Variants in SLMAP observed in about 807,000 individuals in gnomAD.
SLMAP encodes the protein sarcolemmal membrane-associated protein.
SLMAP carries 44 observed loss-of-function variants against 128.8 expected under a neutral mutation model. That is an observed-to-expected ratio of 0.34 (90% CI 0.27 to 0.44). SLMAP has a LOEUF of 0.44. Among genes scored for constraint, SLMAP ranks in the 20% least tolerant of loss-of-function variants. The pLI is 1.00. For missense variants in SLMAP, 787 were observed against 985.3 expected, an observed-to-expected ratio of 0.80 and a Z score of 2.69; for synonymous variants, 327 against 348.8, an observed-to-expected ratio of 0.94 and a Z score of 0.70.
chr3:57,760,393 C>T (rs1025438137), intron 2 of SLMAP, among the ~76,000 whole-genome samples: 1 of 152,174 alleles, frequency 6.6e-6, no homozygotes, highest in African/African-American at 2.4e-5. Context: ...GATTATTATA[C>T]CACTTAATCT....
At chr3:57,801,545 G>T in intron 2 of SLMAP, 1 of 152,130 alleles carries the variant, frequency 6.6e-6, no homozygotes, top group East Asian at 1.9e-4. Flanking sequence ...GCACCAGGCT[G>T]CAGGCCCACA....
At chr3:57,883,372 A>G (rs114191463) in intron 14 of SLMAP, among the ~76,000 whole-genome samples, 2,471 of 152,306 alleles carry the variant, frequency 0.016, 35 homozygotes, top group Admixed American at 0.023. Flanking sequence ...AACATTTAGA[A>G]ATTACTCAAG....
At chr3:57,766,973 T>C (rs999485753) in intron 2 of SLMAP, among the ~76,000 whole-genome samples, 2 of 152,108 alleles carry the variant, frequency 1.3e-5, no homozygotes, top group African/African-American at 4.8e-5. Flanking sequence ...GGCTAGAGTG[T>C]AGTGGTGTGA....
chr3:57,918,869 T>G (rs1021158497), intron 22 of SLMAP, among the ~76,000 whole-genome samples: 8 of 152,350 alleles, frequency 5.3e-5, no homozygotes, highest in Admixed American at 5.2e-4. Context: ...CCACATATGA[T>G]TCTTTTTATG....
chr3:57,909,905 C>T (rs755945232), intron 19 of SLMAP, among the ~76,000 whole-genome samples: 43 of 138,544 alleles, frequency 3.1e-4, no homozygotes, highest in Non-Finnish European at 5.1e-4. Context: ...AGCCACTGCG[C>T]CTGGCCTATT....
chr3:57,843,722 T>C (rs200551280), intron 4 of SLMAP, among the ~76,000 whole-genome samples: 17 of 146,440 alleles, frequency 1.2e-4, no homozygotes, highest in South Asian at 2.2e-4. Flanking sequence ...CTTTCTTTCT[T>C]TTTCTTTCTT....
intron 2 of SLMAP, among the ~76,000 whole-genome samples, chr3:57,816,544 C>T (rs2153522107): frequency 6.6e-6 from 1 of 152,214 alleles, no homozygotes; most frequent in East Asian, 1.9e-4. Context: ...TTAATAGCTT[C>T]CATTTTATAG....
At chr3:57,788,772 C>G (rs1255368907) in intron 2 of SLMAP, among the ~76,000 whole-genome samples, 1 of 152,116 alleles carries the variant, frequency 6.6e-6, no homozygotes, top group East Asian at 1.9e-4. Flanking sequence ...AGGTAGGGGT[C>G]TGTCTCATCA....
At chr3:57,905,808 A>G (rs185234346) in intron 17 of SLMAP, among the ~76,000 whole-genome samples, 8 of 152,234 alleles carry the variant, frequency 5.3e-5, no homozygotes, top group Admixed American at 2.0e-4. Flanking sequence ...AACACAGGAC[A>G]TTTTACCTCC....
intron 2 of SLMAP, among the ~76,000 whole-genome samples, chr3:57,774,001 A>G (rs2081357026): frequency 6.6e-6 from 1 of 152,190 alleles, no homozygotes; most frequent in South Asian, 2.1e-4. Context: ...ACAATGAAAG[A>G]AGTTAAAAGG....
At chr3:57,916,430 T>C (rs574602451) in intron 21 of SLMAP, among the ~76,000 whole-genome samples, 43 of 152,346 alleles carry the variant, frequency 2.8e-4, no homozygotes, top group Admixed American at 5.2e-4. Flanking sequence ...CTTTGTCTTA[T>C]GCTCTTTTCT....
intron 17 of SLMAP, chr3:57,902,079 A>G (rs1350832833): frequency 3.3e-5 from 5 of 152,196 alleles, no homozygotes; most frequent in Admixed American, 3.3e-4. Flanking sequence ...TAATGTATGA[A>G]CCTTGTATGA....
intron 15 of SLMAP, among the ~76,000 whole-genome samples, chr3:57,893,638 A>G (rs568184567): frequency 6.6e-6 from 1 of 152,262 alleles, no homozygotes; most frequent in East Asian, 1.9e-4. Flanking sequence ...TTTTAATCCT[A>G]AAATTGCCAA....
At chr3:57,920,429 T>G (rs1179385707) in intron 22 of SLMAP, among the ~76,000 whole-genome samples, 1 of 152,236 alleles carries the variant, frequency 6.6e-6, no homozygotes, top group Non-Finnish European at 1.5e-5. Flanking sequence ...AAGCCCCATC[T>G]CTCCTGTCTA....
intron 2 of SLMAP, among the ~76,000 whole-genome samples, chr3:57,820,827 T>G (rs1191561489): frequency 6.6e-6 from 1 of 152,214 alleles, no homozygotes; most frequent in Non-Finnish European, 1.5e-5. Flanking sequence ...TTAGAAATTC[T>G]CATTTTAGGC....
intron 14 of SLMAP, 99 bp downstream of exon 14, chr3:57,871,797 A>G: frequency 1.1e-6 from 1 of 880,348 alleles, no homozygotes; most frequent in Non-Finnish European, 1.9e-6. Context: ...TTGTTATAGC[A>G]GAAGTGCTTA....
chr3:57,874,110 G>A (rs1365262788), intron 14 of SLMAP, among the ~76,000 whole-genome samples: 1 of 152,086 alleles, frequency 6.6e-6, no homozygotes, highest in African/African-American at 2.4e-5. Flanking sequence ...GCAACAGAGT[G>A]AGACTGTCTC....
chr3:57,907,848 T>A, intron 17 of SLMAP, 36 bp from the exon 18 acceptor site: 3 of 1,603,124 alleles, frequency 1.9e-6, no homozygotes, highest in Middle Eastern at 1.7e-4. Flanking sequence ...AGTGTGATAC[T>A]AACTCTTGCT....
intron 2 of SLMAP, among the ~76,000 whole-genome samples, chr3:57,778,527 GT>G (rs527605882): frequency 7.0e-4 from 91 of 129,680 alleles, no homozygotes; most frequent in Non-Finnish European, 1.4e-3. Context: ...CTTGCTTTGT[GT>G]TTAATTTCCT....
Sources: gnomAD v4.1 joint callset for allele counts (sites outside exome capture counted in the v4.1 genomes callset) on GRCh38, gnomAD v4.1.1 for gene constraint, MANE v1.5 for transcripts, NCBI Gene and HGNC (gene_info 2026-07-23, HGNC 2026-07-21) for gene names.